The following NUDT16 variants were observed in gnomAD, a reference collection of about 807,000 sequenced individuals.
The protein encoded by NUDT16 is U8 snoRNA-decapping enzyme.
Under a neutral mutation model 11.7 loss-of-function variants are expected in NUDT16, and 12 were observed. That is an observed-to-expected ratio of 1.03 (90% CI 0.66 to 1.67). NUDT16 has a LOEUF of 1.67. NUDT16 is among the 40% of genes most tolerant of loss of function. The pLI is 0.00. For missense variants in NUDT16, 303 were observed against 268.9 expected (o/e 1.13, Z -0.89); for synonymous variants, 129 against 122.6 (o/e 1.05, Z -0.35).
At position 131,381,866 on chromosome 3, in the gene NUDT16, A is replaced by C; in HGVS notation, c.62A>C (p.His21Pro). 1.2e-6 allele frequency: 2 copies of C among 1,605,986 alleles called. No individual in the cohort carries two copies. Among genetic ancestry groups the C allele is most frequent in the Non-Finnish European group, 1.7e-6 (2 of 1,179,294 alleles). ...CTGGCGCTGGGGTCGGGCTGGCGTC[A>C]TGCGTGCCACGCTCTCCTCTACGCG... ...EALALGSGWR[H>P]ACHALLYAPD... The change falls in exon 1 of 3, where the codon CAT (histidine) becomes CCT (proline). Residue 21 changes from histidine (H) to proline (P), a missense_variant. His to Pro is a moderately conservative substitution (Grantham distance 77). Coordinates refer to ENST00000521288, the MANE Select transcript of NUDT16 (RefSeq NM_152395.3).
At chr3:131,382,844 C>T in intron 2 of NUDT16, 2 of 734,012 alleles carry the variant, frequency 2.7e-6, no homozygotes, top group Non-Finnish European at 4.1e-6. Context: ...TTCAAAAGTT[C>T]CCAAATAATG....
Position 131,388,021 on chromosome 3 carries a change from G to A in NUDT16, c.*4680G>A, listed in dbSNP as rs1258956665. The A allele has an allele frequency of 6.6e-6, 1 of 152,170 alleles. No individual in the cohort carries two copies. Among genetic ancestry groups the A allele is most frequent in the East Asian group, 1.9e-4 (1 of 5,198 alleles). The allele number at this position is 152,170 out of a possible 1,614,324, so 9.4% of individuals were successfully genotyped here. A position where few individuals can be genotyped will look rare whatever the true frequency, so the allele number is the denominator to read the frequency against. ...TATTTACTCAGGGCATTTAAGGAGA[G>A]CAGGGACTCTGAAATGAGGTGAGAG... On this transcript the variant is annotated 3_prime_UTR_variant, in exon 3 of 3. Coordinates refer to ENST00000521288, the MANE Select transcript of NUDT16 (RefSeq NM_152395.3).
Position 131,388,336 on chromosome 3 carries a change from A to G in NUDT16, c.*4995A>G, listed in dbSNP as rs937096501. 3 of 152,266 alleles carry G rather than the reference A, an allele frequency of 2.0e-5. No individual in the cohort carries two copies. Among genetic ancestry groups the G allele is most frequent in the African/African-American group, 7.2e-5 (3 of 41,466 alleles). The allele number at this position is 152,266 out of a possible 1,614,324, so 9.4% of individuals were successfully genotyped here. A position where few individuals can be genotyped will look rare whatever the true frequency, so the allele number is the denominator to read the frequency against. Reference sequence around the variant, plus strand: ...GGAAAATACTAACAGAACACATGTAACAGGAACAACATTTTAGAGGAAACA... The same window carrying G: ...GGAAAATACTAACAGAACACATGTAGCAGGAACAACATTTTAGAGGAAACA... On this transcript the variant is annotated 3_prime_UTR_variant, in exon 3 of 3. Transcript: ENST00000521288.
In NUDT16 at chr3:131,383,424, T is replaced by C. The variant is rs546608463; in HGVS notation, c.*83T>C. ...AGGGAAGGACGTGGGAATGTTTTCT[T>C]ATTGGATCTGAGAGATGATACATGA... On this transcript the variant is annotated 3_prime_UTR_variant, in exon 3 of 3. Transcript: ENST00000521288. The surrounding 1 kb of genome is among the most constrained non-coding windows in gnomAD (Gnocchi z 4.4). 1.3e-6 allele frequency: 2 copies of C among 1,577,792 alleles called. No homozygotes were observed. The highest frequency in any genetic ancestry group is 1.8e-5 in the Admixed American group (1 of 55,344).
Position 131,383,146 on chromosome 3 carries a change from CTCCT to C in NUDT16, c.409-10_409-7del. 1 of 1,608,440 alleles carries C rather than the reference CTCCT, an allele frequency of 6.2e-7. No homozygotes were observed. The highest frequency in any genetic ancestry group is 8.5e-7 in the Non-Finnish European group (1 of 1,177,450). On this transcript the variant is annotated splice_polypyrimidine_tract_variant and intron_variant, in intron 2 of 2. Coordinates refer to ENST00000521288, the MANE Select transcript of NUDT16 (RefSeq NM_152395.3). This position sits in a 1 kb window ranked among gnomAD's most constrained non-coding sequence, Gnocchi z 4.4. ...CACCTGGGGCCCTAGTGTCTCCTGT[CTCCT>C]TCCTTTTACAGGTGCTGGGCCTGGT...
At position 131,387,946 on chromosome 3, in the gene NUDT16, A is replaced by G. The variant is rs1235691426; in HGVS notation, c.*4605A>G. ...AGAAGAGGATGTGAGCACCAGATGC[A>G]CGTGATAAAGACCATGCTCTGGAAG... On this transcript the variant is annotated 3_prime_UTR_variant, in exon 3 of 3. Coordinates refer to ENST00000521288, the MANE Select transcript of NUDT16 (RefSeq NM_152395.3). 6.6e-6 allele frequency: 1 copy of G among 152,246 alleles called. No individual in the cohort carries two copies. Among genetic ancestry groups the G allele is most frequent in the African/African-American group, 2.4e-5 (1 of 41,462 alleles). 9.4% of individuals were successfully genotyped at this position (152,246 alleles called of 1,614,324 possible).
In NUDT16 at chr3:131,383,188, G is replaced by GTA; in HGVS notation, c.438_439dup (p.Thr147IlefsTer7). ...TGCTGGGCCTGGTGCGAGTGCCCCT[G>GTA]TATACCCTGCGGGATGGTGTAGGAG... On this transcript the variant is annotated frameshift_variant, in exon 3 of 3. Coordinates refer to ENST00000521288, the MANE Select transcript of NUDT16 (RefSeq NM_152395.3). LOFTEE classifies it low-confidence loss of function (END_TRUNC). The surrounding 1 kb of genome is among the most constrained non-coding windows in gnomAD (Gnocchi z 4.4). 1 of 1,613,248 alleles carries GTA rather than the reference G, an allele frequency of 6.2e-7. No individual in the cohort carries two copies. The highest frequency in any genetic ancestry group is 8.5e-7 in the Non-Finnish European group (1 of 1,180,010).
Position 131,386,745 on chromosome 3 carries a change from C to T in NUDT16, c.*3404C>T, listed in dbSNP as rs1229907567. On this transcript the variant is annotated 3_prime_UTR_variant, in exon 3 of 3. Transcript: ENST00000521288. Reference sequence around the variant, plus strand: ...CAGAATAAAAACACTTTGAGCCCCACCCTGTCCTGAGACAAAGTCCTCTGT... The same window carrying T: ...CAGAATAAAAACACTTTGAGCCCCATCCTGTCCTGAGACAAAGTCCTCTGT... 6.6e-6 allele frequency: 1 copy of T among 152,216 alleles called. No individual in the cohort carries two copies. Among genetic ancestry groups the T allele is most frequent in the East Asian group, 1.9e-4 (1 of 5,198 alleles). 9.4% of individuals were successfully genotyped at this position (152,216 alleles called of 1,614,324 possible).
chr3:131,381,823 C>G lies in NUDT16; in HGVS notation c.19C>G (p.Leu7Val), dbSNP rs1203476264. The G allele has an allele frequency of 6.4e-7, 1 of 1,573,692 alleles. No individual in the cohort carries two copies. The highest frequency in any genetic ancestry group is 2.3e-5 in the East Asian group (1 of 43,054). The part of the protein sequence containing the change: MAGARR[L>V]ELGEALALGS... ...TCCGGCCATGGCCGGAGCCCGCAGGCTGGAGCTAGGCGAGGCCCTGGCGCT... is the reference window on the plus strand; with the variant it reads ...TCCGGCCATGGCCGGAGCCCGCAGGGTGGAGCTAGGCGAGGCCCTGGCGCT... Residue 7 changes from leucine to valine, a missense_variant, in exon 1 of 3, where the codon CTG (leucine) becomes GTG (valine). Physicochemically the swap from Leu to Val is conservative, Grantham distance 32. Transcript: ENST00000521288.
Position 131,383,612 on chromosome 3 carries a change from A to C in NUDT16, c.*271A>C. On this transcript the variant is annotated 3_prime_UTR_variant, in exon 3 of 3. Transcript: ENST00000521288. The surrounding 1 kb of genome is among the most constrained non-coding windows in gnomAD (Gnocchi z 4.4). ...ATATGCGTACAGCCTGGTAACCCCC[A>C]GGCATGCAAATATACAATCTGTAAC... is the stretch of plus-strand genomic sequence containing the variant. 1.6e-6 allele frequency: 1 copy of C among 624,396 alleles called. No homozygotes were observed. Among genetic ancestry groups the C allele is most frequent in the South Asian group, 2.0e-5 (1 of 50,198 alleles). The allele number at this position is 624,396 out of a possible 1,614,324, so 38.7% of individuals were successfully genotyped here. A position where few individuals can be genotyped will look rare whatever the true frequency, so the allele number is the denominator to read the frequency against.
Position 131,383,136 on chromosome 3 carries a change from T to G in NUDT16, c.409-26T>G, listed in dbSNP as rs779694645. On this transcript the variant is annotated intron_variant, in intron 2 of 2. Coordinates refer to ENST00000521288, the MANE Select transcript of NUDT16 (RefSeq NM_152395.3). The surrounding 1 kb of genome is among the most constrained non-coding windows in gnomAD (Gnocchi z 4.4). ...GGGAATGAGCCACCTGGGGCCCTAG[T>G]GTCTCCTGTCTCCTTCCTTTTACAG... The G allele has an allele frequency of 8.1e-6, 13 of 1,603,504 alleles. No individual in the cohort carries two copies. In the South Asian group the frequency reaches 1.4e-4, roughly 18 times the overall value.
chr3:131,383,853 C>T lies in NUDT16; in HGVS notation c.*512C>T. 1 of 196,924 alleles carries T rather than the reference C, an allele frequency of 5.1e-6. No individual in the cohort carries two copies. Among genetic ancestry groups the T allele is most frequent in the South Asian group, 9.0e-5 (1 of 11,054 alleles). 12.2% of individuals were successfully genotyped at this position (196,924 alleles called of 1,614,324 possible). A position where few individuals can be genotyped will look rare whatever the true frequency, so the allele number is the denominator to read the frequency against. On this transcript the variant is annotated 3_prime_UTR_variant, in exon 3 of 3. Coordinates refer to ENST00000521288, the MANE Select transcript of NUDT16 (RefSeq NM_152395.3). This position sits in a 1 kb window ranked among gnomAD's most constrained non-coding sequence, Gnocchi z 4.4. ...CCTGTGCTTTCTGAAAATAGACTTG[C>T]TCTTGTCTTGAGTGGTGACCAAAGC...
At chr3:131,382,532 G>C (rs1382475356) in intron 2 of NUDT16, 1 of 1,535,960 alleles carries the variant, frequency 6.5e-7, no homozygotes, top group Non-Finnish European at 8.7e-7. Context: ...TTTACCAGGA[G>C]AGATCCTTTC....
Position 131,387,438 on chromosome 3 carries a change from A to T in NUDT16, c.*4097A>T, listed in dbSNP as rs1257529076. 2 of 152,228 alleles carry T rather than the reference A, an allele frequency of 1.3e-5. No individual in the cohort carries two copies. The highest frequency in any genetic ancestry group is 2.9e-5 in the Non-Finnish European group (2 of 68,060). The allele number at this position is 152,228 out of a possible 1,614,324, so 9.4% of individuals were successfully genotyped here. On this transcript the variant is annotated 3_prime_UTR_variant, in exon 3 of 3. Coordinates refer to ENST00000521288, the MANE Select transcript of NUDT16 (RefSeq NM_152395.3). ...AGGGACTTTGGGAAGGACATAAAAC[A>T]AGAAAAGGAAGCTCCTCACCAACAG...
Position 131,384,264 on chromosome 3 carries a change from T to G in NUDT16, c.*923T>G, listed in dbSNP as rs1178482744. 1 of 152,320 alleles carries G rather than the reference T, an allele frequency of 6.6e-6. No homozygotes were observed. Among genetic ancestry groups the G allele is most frequent in the African/African-American group, 2.4e-5 (1 of 41,458 alleles). The allele number at this position is 152,320 out of a possible 1,614,324, so 9.4% of individuals were successfully genotyped here. A position where few individuals can be genotyped will look rare whatever the true frequency, so the allele number is the denominator to read the frequency against. ...ACGTTAAAGAAGACAGAAAGCGGAC[T>G]ATGCAGAGTGCTTGTGAGGGTTTCA... On this transcript the variant is annotated 3_prime_UTR_variant, in exon 3 of 3. Transcript: ENST00000521288.
At position 131,387,275 on chromosome 3, in the gene NUDT16, G is replaced by A. The variant is rs184987143; in HGVS notation, c.*3934G>A. 1.3e-5 allele frequency: 2 copies of A among 152,372 alleles called. No individual in the cohort carries two copies. Among genetic ancestry groups the A allele is most frequent in the South Asian group, 2.1e-4 (1 of 4,824 alleles). 9.4% of individuals were successfully genotyped at this position (152,372 alleles called of 1,614,324 possible). On this transcript the variant is annotated 3_prime_UTR_variant, in exon 3 of 3. Transcript: ENST00000521288. ...CACTTCCCTTCTGGCTTGGGCAAAT[G>A]AGGCTCCCTTTAGGGGTAGAGGTAC...
At position 131,381,844 on chromosome 3, in the gene NUDT16, G is replaced by A. The variant is rs543696274; in HGVS notation, c.40G>A (p.Ala14Thr). The A allele has an allele frequency of 1.9e-4, 299 of 1,594,364 alleles. No individual in the cohort carries two copies. In the African/African-American group the frequency reaches 3.7e-3, roughly 20 times the overall value. ...CAGGCTGGAGCTAGGCGAGGCCCTG[G>A]CGCTGGGGTCGGGCTGGCGTCATGC... is the stretch of plus-strand genomic sequence containing the variant. ...ARRLELGEAL[A>T]LGSGWRHACH... Residue 14 changes from alanine to threonine, a missense_variant, in exon 1 of 3, where the codon GCG (alanine) becomes ACG (threonine). Physicochemically the swap from Ala to Thr is moderately conservative, Grantham distance 58. Transcript: ENST00000521288.
intron 2 of NUDT16, chr3:131,382,750 G>T: frequency 7.4e-7 from 1 of 1,344,336 alleles, no homozygotes; most frequent in Non-Finnish European, 9.6e-7. Flanking sequence ...AATCATCGGG[G>T]CGTCTTATTA....
In NUDT16 at chr3:131,383,425, A is replaced by T; in HGVS notation, c.*84A>T. On this transcript the variant is annotated 3_prime_UTR_variant, in exon 3 of 3. Transcript: ENST00000521288. This position sits in a 1 kb window ranked among gnomAD's most constrained non-coding sequence, Gnocchi z 4.4. ...GGGAAGGACGTGGGAATGTTTTCTT[A>T]TTGGATCTGAGAGATGATACATGAT... 1 of 1,575,280 alleles carries T rather than the reference A, an allele frequency of 6.3e-7. No homozygotes were observed. The highest frequency in any genetic ancestry group is 8.6e-7 in the Non-Finnish European group (1 of 1,162,392).
Sources: gnomAD v4.1 joint callset for allele counts on GRCh38, gnomAD v4.1.1 for gene constraint, Gnocchi (gnomAD v3.1) non-coding constraint, MANE v1.5 for transcripts, NCBI Gene and HGNC (gene_info 2026-07-23, HGNC 2026-07-21) for gene names.